The following PYHIN1 variants were observed in gnomAD, a reference collection of about 807,000 sequenced individuals.
The protein encoded by PYHIN1 is pyrin and HIN domain-containing protein 1.
PYHIN1 carries 32 observed loss-of-function variants against 43.7 expected under a neutral mutation model. That is an observed-to-expected ratio of 0.73 (90% CI 0.55 to 0.98). The LOEUF is 0.98. Ranked by LOEUF, PYHIN1 falls within the 50% of genes least tolerant of loss-of-function variation. The probability of loss-of-function intolerance (pLI) is 0.00; values close to 1 mark genes in which losing one functional copy is unlikely to be tolerated. For missense variants in PYHIN1, 588 were observed against 589.5 expected, an observed-to-expected ratio of 1.00 and a Z score of 0.03; for synonymous variants, 205 against 203.1, an observed-to-expected ratio of 1.01 and a Z score of -0.08.
At chr1:158,989,138 G>A in the PYHIN1 span, among the ~76,000 whole-genome samples, 1 of 152,188 alleles carries the variant, frequency 6.6e-6, no homozygotes, top group Admixed American at 6.5e-5. Context: ...TTTTAAAAGA[G>A]ATAACATATT....
chr1:158,944,831 C>T, intron 6 of PYHIN1, 44 bp from the exon 7 acceptor site: 1 of 1,403,988 alleles, frequency 7.1e-7, no homozygotes, highest in Non-Finnish European at 9.5e-7. Context: ...GTTTTGCTTT[C>T]CCTAATATTA....
chr1:158,938,345 T>A (rs1648688524), intron 2 of PYHIN1, 52 bp from the exon 3 acceptor site: 2 of 1,588,832 alleles, frequency 1.3e-6, no homozygotes, highest in Non-Finnish European at 1.7e-6. Flanking sequence ...CTGCTTCGGG[T>A]GTCCCCGATC....
intron 1 of PYHIN1, among the ~76,000 whole-genome samples, chr1:158,934,096 T>C (rs1388437193): frequency 6.6e-6 from 1 of 152,150 alleles, no homozygotes; most frequent in Non-Finnish European, 1.5e-5. Flanking sequence ...ATTTCTTTTG[T>C]ACCTGGGGGG....
Position 158,976,513 on chromosome 1 carries a change from G to A in PYHIN1, c.*6-188G>A, listed in dbSNP as rs1047663811. On this transcript the variant is annotated intron_variant, in intron 8 of 8. Coordinates refer to ENST00000368140, the MANE Select transcript of PYHIN1 (RefSeq NM_152501.5). ...AATATCGCATTTCATGGTCCCAACA[G>A]AGGGGGAAGATGTGACTCCAAGGAC... Among the ~76,000 whole-genome samples the A allele has an allele frequency of 3.3e-5, 5 of 152,020 alleles. 1 individual carries two copies. The highest frequency in any genetic ancestry group is 4.1e-4 in the South Asian group (2 of 4,822).
At chr1:158,945,292 T>C (rs987159829) in intron 7 of PYHIN1, 8 of 308,252 alleles carry the variant, frequency 2.6e-5, no homozygotes, top group Non-Finnish European at 4.1e-5. Context: ...GCTCCACCTA[T>C]GGGAGGGGTA....
rs531211447 is a variant in PYHIN1 at position 158,953,484 on chromosome 1, G to C, written c.1359+8442G>C. Reference sequence around the variant, plus strand: ...CCTAACTGGGAGGCACCCCCCAGCAGGGGCACACTGACACCTCACACGGCA... The same window carrying C: ...CCTAACTGGGAGGCACCCCCCAGCACGGGCACACTGACACCTCACACGGCA... On this transcript the variant is annotated intron_variant, in intron 7 of 8. Coordinates refer to ENST00000368140, the MANE Select transcript of PYHIN1 (RefSeq NM_152501.5). 8.3e-4 allele frequency among the ~76,000 whole-genome samples: 125 copies of C among 150,516 alleles called. 1 individual carries two copies. The highest frequency in any genetic ancestry group is 3.6e-3 in the South Asian group (17 of 4,718).
intron 8 of PYHIN1, among the ~76,000 whole-genome samples, chr1:158,973,998 C>T (rs1377647717): frequency 6.6e-6 from 1 of 152,020 alleles, no homozygotes; most frequent in Non-Finnish European, 1.5e-5. Context: ...AGGAAGATTA[C>T]TGTTTTTCAT....
intron 7 of PYHIN1, among the ~76,000 whole-genome samples, chr1:158,957,618 A>T (rs1650026062): frequency 6.8e-6 from 1 of 146,172 alleles, no homozygotes; most frequent in Non-Finnish European, 1.5e-5. Flanking sequence ...GATGGATTAA[A>T]GACTTAAACG....
chr1:158,986,446 T>G, the PYHIN1 span, among the ~76,000 whole-genome samples: 1 of 152,196 alleles, frequency 6.6e-6, no homozygotes, highest in East Asian at 1.9e-4. Flanking sequence ...CCTTTTTTTC[T>G]GACCACTTGA....
At chr1:158,980,007 A>G (rs1173419527), downstream of PYHIN1, among the ~76,000 whole-genome samples, 1 of 152,028 alleles carries the variant, frequency 6.6e-6, no homozygotes, top group African/African-American at 2.4e-5. Context: ...TTCCTGTGTT[A>G]TTTTGCTTCA....
intron 7 of PYHIN1, among the ~76,000 whole-genome samples, chr1:158,970,334 A>G (rs922903927): frequency 2.6e-5 from 4 of 151,956 alleles, no homozygotes; most frequent in African/African-American, 9.7e-5. Flanking sequence ...GATTTGTTAC[A>G]TGGTTAAATT....
chr1:158,932,138 T>C (rs896313016), intron 1 of PYHIN1, among the ~76,000 whole-genome samples: 1 of 152,210 alleles, frequency 6.6e-6, no homozygotes, highest in East Asian at 1.9e-4. Context: ...TATGGATGCA[T>C]AGTATTCCAC....
chr1:158,958,228 C>T (rs1411518344), intron 7 of PYHIN1, among the ~76,000 whole-genome samples: 4 of 151,594 alleles, frequency 2.6e-5, no homozygotes. Flanking sequence ...ATTAGAAATA[C>T]CATTTGACCC....
chr1:158,976,441 C>T (rs1186287627), intron 8 of PYHIN1, among the ~76,000 whole-genome samples: 4 of 151,942 alleles, frequency 2.6e-5, no homozygotes, highest in African/African-American at 9.7e-5. Context: ...CTTATTGTTC[C>T]CTGACATCTC....
intron 7 of PYHIN1, among the ~76,000 whole-genome samples, chr1:158,947,140 C>T (rs1649267619): frequency 6.6e-6 from 1 of 152,118 alleles, no homozygotes; most frequent in Non-Finnish European, 1.5e-5. Context: ...TCATTGATCC[C>T]AACTGAATAC....
chr1:158,953,094 A>G (rs570438916), intron 7 of PYHIN1, among the ~76,000 whole-genome samples: 2 of 152,322 alleles, frequency 1.3e-5, no homozygotes, highest in East Asian at 3.9e-4. Flanking sequence ...CCTGGCTCCG[A>G]GGGTCCTACG....
chr1:158,945,297 G>T, intron 7 of PYHIN1: 1 of 302,470 alleles, frequency 3.3e-6, no homozygotes, highest in East Asian at 5.4e-5. Context: ...ACCTATGGGA[G>T]GGGTAATGGC....
chr1:158,939,249 T>C lies in PYHIN1; in HGVS notation c.579+2T>C, dbSNP rs1168408145. 3 of 1,594,872 alleles carry C rather than the reference T, an allele frequency of 1.9e-6. No individual in the cohort carries two copies. The African/African-American group carries it at 4.1e-5, about 22-fold the overall frequency. On this transcript the variant is annotated splice_donor_variant, in intron 4 of 8. Coordinates refer to ENST00000368140, the MANE Select transcript of PYHIN1 (RefSeq NM_152501.5). LOFTEE classifies it high-confidence loss of function. Reference sequence around the variant, plus strand: ...CCACCCAACACTTCCTCAACTGAGGTACACTCTTCCTGGTCCCCTTTTGAT... The same window carrying C: ...CCACCCAACACTTCCTCAACTGAGGCACACTCTTCCTGGTCCCCTTTTGAT...
Position 158,944,884 on chromosome 1 carries a change from A to T in PYHIN1, c.1201A>T (p.Asn401Tyr). The T allele has an allele frequency of 6.4e-7, 1 of 1,571,136 alleles. No individual in the cohort carries two copies. The highest frequency in any genetic ancestry group is 1.4e-5 in the African/African-American group (1 of 72,648). ...AAATGAATACTTTCAGATACAGAAA[A>T]ATACAAACCAGAGAAGCCATGACTC... is the stretch of plus-strand genomic sequence containing the variant. ...EMHSFIQIQKNTNQRSHDSRS... is the reference protein window; with the variant it reads ...EMHSFIQIQKYTNQRSHDSRS... The change falls in exon 7 of 9, where the codon AAT (asparagine) becomes TAT (tyrosine). Residue 401 changes from asparagine (N) to tyrosine (Y), a missense_variant. Coordinates refer to ENST00000368140, the MANE Select transcript of PYHIN1 (RefSeq NM_152501.5).
Sources: allele counts gnomAD v4.1 joint callset (sites outside exome capture counted in the v4.1 genomes callset), GRCh38; gene constraint gnomAD v4.1.1; transcripts MANE v1.5; gene names NCBI Gene and HGNC (gene_info 2026-07-23, HGNC 2026-07-21).